The following CLPB variants were observed in gnomAD, a reference collection of about 807,000 sequenced individuals.
CLPB encodes the protein ClpB family mitochondrial disaggregase.
Under a neutral mutation model 78.4 loss-of-function variants are expected in CLPB, and 40 were observed. The observed-to-expected ratio is 0.51, with a 90% CI of 0.40 to 0.66. The LOEUF (loss-of-function observed/expected upper bound fraction) is 0.66. CLPB is among the 30% of genes least tolerant of loss of function. The probability of loss-of-function intolerance (pLI) is 0.00; values close to 1 mark genes in which losing one functional copy is unlikely to be tolerated. For synonymous variants in CLPB, 333 were observed against 348.0 expected (o/e 0.96, Z 0.48); for missense variants, 780 against 886.9 (o/e 0.88, Z 1.53).
chr11:72,426,712 G>A (rs535011817), intron 2 of CLPB, among the ~76,000 whole-genome samples: 8 of 152,370 alleles, frequency 5.3e-5, no homozygotes, highest in South Asian at 2.1e-4. Context: ...CCGCTGTGCT[G>A]TGGAACAGGG....
At chr11:72,330,667 G>A (rs2135551399) in intron 5 of CLPB, among the ~76,000 whole-genome samples, 1 of 152,338 alleles carries the variant, frequency 6.6e-6, no homozygotes, top group South Asian at 2.1e-4. Context: ...GACCCTGAAT[G>A]AATGGGGCCT....
At chr11:72,389,089 G>A (rs1855171191) in intron 3 of CLPB, among the ~76,000 whole-genome samples, 2 of 152,192 alleles carry the variant, frequency 1.3e-5, no homozygotes, top group African/African-American at 4.8e-5. Flanking sequence ...GGATTACACT[G>A]GTACCAGAAG....
At chr11:72,383,251 G>A (rs992284496) in intron 3 of CLPB, among the ~76,000 whole-genome samples, 1 of 152,006 alleles carries the variant, frequency 6.6e-6, no homozygotes, top group Non-Finnish European at 1.5e-5. Context: ...CAGGCTGGGT[G>A]CGGTGGCTCG....
chr11:72,309,085 A>C (rs1426307638), intron 7 of CLPB, among the ~76,000 whole-genome samples: 1 of 152,146 alleles, frequency 6.6e-6, no homozygotes. Flanking sequence ...TGGGGAAGCT[A>C]AGGTCTGGTC....
At position 72,408,666 on chromosome 11, in the gene CLPB, CA is replaced by C. The variant is rs576990524; in HGVS notation, c.456-5615del. Among the ~76,000 whole-genome samples the C allele has an allele frequency of 2.2e-3, 141 of 64,274 alleles. 2 individuals carry two copies. Among genetic ancestry groups the C allele is most frequent in the East Asian group, 0.018 (39 of 2,174 alleles). The allele number at this position is 64,274 out of a possible 152,430, so 42.2% of individuals were successfully genotyped here. A position where few individuals can be genotyped will look rare whatever the true frequency, so the allele number is the denominator to read the frequency against. On this transcript the variant is annotated intron_variant, in intron 2 of 15. Transcript: ENST00000538039. The stretch of plus-strand genomic sequence containing the variant: ...CGGGTGACAGGGCAAGACTCTGTCT[CA>C]AAAAAAAAAAAAAAAAAAAAGAAAA...
At chr11:72,298,399 A>T (rs1182647595) in intron 11 of CLPB, among the ~76,000 whole-genome samples, 1 of 152,168 alleles carries the variant, frequency 6.6e-6, no homozygotes, top group Admixed American at 6.5e-5. Flanking sequence ...CTCCGCACTC[A>T]TTGGTCACGC....
Position 72,307,373 on chromosome 11 carries a change from G to A in CLPB, c.1067-119C>T. On this transcript the variant is annotated intron_variant, in intron 8 of 15. Transcript: ENST00000538039. ...TATATTCTATGGATGAGAATGTTGAGGCGCAGAAAGGATCAGCGACTCTCC... is the reference window on the plus strand; with the variant it reads ...TATATTCTATGGATGAGAATGTTGAAGCGCAGAAAGGATCAGCGACTCTCC... The A allele has an allele frequency of 3.5e-6, 3 of 862,102 alleles. No individual in the cohort carries two copies. The South Asian group carries it at 4.5e-5, about 13-fold the overall frequency. 53.4% of individuals were successfully genotyped at this position (862,102 alleles called of 1,614,324 possible). A position where few individuals can be genotyped will look rare whatever the true frequency, so the allele number is the denominator to read the frequency against.
At chr11:72,400,028 T>G (rs977809731) in intron 3 of CLPB, among the ~76,000 whole-genome samples, 1 of 152,164 alleles carries the variant, frequency 6.6e-6, no homozygotes, top group Admixed American at 6.5e-5. Flanking sequence ...TACTTTTCCT[T>G]TTTCCCACGG....
intron 6 of CLPB, among the ~76,000 whole-genome samples, chr11:72,322,899 T>A (rs1950068585): frequency 6.6e-6 from 1 of 152,192 alleles, no homozygotes; most frequent in Non-Finnish European, 1.5e-5. Flanking sequence ...CATAGCCCTA[T>A]GAAGTTGATA....
intron 6 of CLPB, among the ~76,000 whole-genome samples, chr11:72,323,267 C>G (rs1034415975): frequency 6.6e-6 from 1 of 152,184 alleles, no homozygotes; most frequent in Non-Finnish European, 1.5e-5. Context: ...CCAACCTGCA[C>G]TTGTTAAAAT....
chr11:72,388,145 C>T (rs976302865), intron 3 of CLPB, among the ~76,000 whole-genome samples: 5 of 152,226 alleles, frequency 3.3e-5, no homozygotes, highest in Middle Eastern at 3.4e-3. Context: ...GGCTGCTAAC[C>T]CAATCAAAGG....
chr11:72,386,407 T>C (rs1408760353), intron 3 of CLPB, among the ~76,000 whole-genome samples: 1 of 152,212 alleles, frequency 6.6e-6, no homozygotes, highest in African/African-American at 2.4e-5. Context: ...AAATTACTTA[T>C]CGTAACTATT....
chr11:72,378,875 C>T (rs180739308), intron 4 of CLPB, among the ~76,000 whole-genome samples: 6 of 152,268 alleles, frequency 3.9e-5, no homozygotes, highest in Non-Finnish European at 7.4e-5. Context: ...AGTAACCATA[C>T]AAGAGGCCAA....
At chr11:72,325,357 G>A (rs565934579) in intron 6 of CLPB, among the ~76,000 whole-genome samples, 10 of 152,102 alleles carry the variant, frequency 6.6e-5, no homozygotes, top group Non-Finnish European at 2.9e-5. Context: ...CCAACTCTGC[G>A]AACCCTCCTA....
chr11:72,307,720 G>A (rs1190070390), intron 8 of CLPB, among the ~76,000 whole-genome samples: 3 of 152,130 alleles, frequency 2.0e-5, no homozygotes, highest in Admixed American at 2.0e-4. Context: ...GTGGCTTCAC[G>A]GTCCTTCTTT....
intron 9 of CLPB, 76 bp downstream of exon 9, chr11:72,307,123 G>A (rs1949759676): frequency 2.2e-6 from 3 of 1,340,620 alleles, no homozygotes; most frequent in African/African-American, 1.4e-5. Flanking sequence ...TGAATTCAGA[G>A]GGTCAGATTT....
intron 3 of CLPB, among the ~76,000 whole-genome samples, chr11:72,399,416 TA>T (rs1855500300): frequency 6.6e-6 from 1 of 152,234 alleles, no homozygotes; most frequent in South Asian, 2.1e-4. Context: ...TGTATATTTA[TA>T]TTTGTATTTT....
intron 5 of CLPB, chr11:72,354,416 A>G (rs902879326): frequency 1.3e-5 from 5 of 398,288 alleles, no homozygotes; most frequent in Non-Finnish European, 2.2e-5. Context: ...GGCCATGATT[A>G]GAGATATGTT....
intron 4 of CLPB, among the ~76,000 whole-genome samples, chr11:72,373,664 C>T (rs1020048483): frequency 7.2e-5 from 11 of 152,130 alleles, no homozygotes; most frequent in African/African-American, 2.7e-4. Flanking sequence ...AAGAATATCA[C>T]ATTGGGTGCA....
Sources: allele counts gnomAD v4.1 joint callset (sites outside exome capture counted in the v4.1 genomes callset), GRCh38; gene constraint gnomAD v4.1.1; transcripts MANE v1.5; gene names NCBI Gene and HGNC (gene_info 2026-07-23, HGNC 2026-07-21).